Variants in PCDH15 observed in about 807,000 individuals in gnomAD.
The protein encoded by PCDH15 is protocadherin-15.
A neutral mutation model predicts 178.5 loss-of-function variants in PCDH15; 129 were observed. The ratio of observed to expected loss-of-function variants is 0.72; its 90% CI spans 0.63 to 0.84. The LOEUF (loss-of-function observed/expected upper bound fraction) is 0.84. PCDH15 is among the 40% of genes least tolerant of loss of function. The pLI is 0.00. For synonymous variants in PCDH15, 800 were observed against 732.0 expected (o/e 1.09, Z -1.50); for missense variants, 2,230 against 2,099.9 (o/e 1.06, Z -1.21).
intron 2 of PCDH15, among the ~76,000 whole-genome samples, chr10:54,936,536 T>C (rs1216275427): frequency 6.6e-6 from 1 of 152,008 alleles, no homozygotes; most frequent in African/African-American, 2.4e-5. Context: ...TCCTTATTGA[T>C]ATCTATTTGT....
At position 54,442,396 on chromosome 10, in the gene PCDH15, A is replaced by G. The variant is rs1222952919; in HGVS notation, c.158-63454T>C. ...GGACAGTCTCCTTTTTTTTTAAAAA[A>G]AAAAAAGGCCTTAAAGGCTATATAT... is the stretch of plus-strand genomic sequence containing the variant. On this transcript the variant is annotated intron_variant, in intron 3 of 37. Transcript: ENST00000644397. 3.4e-5 allele frequency among the ~76,000 whole-genome samples: 4 copies of G among 117,666 alleles called. 1 individual carries two copies. The highest frequency in any genetic ancestry group is 1.3e-4 in the African/African-American group (4 of 30,562). 77.2% of individuals were successfully genotyped at this position (117,666 alleles called of 152,430 possible).
intron 1 of PCDH15, among the ~76,000 whole-genome samples, chr10:55,257,692 G>C (rs573387251): frequency 1.3e-5 from 2 of 152,092 alleles, no homozygotes; most frequent in Non-Finnish European, 1.5e-5. Context: ...AAAAAGAAAC[G>C]AACAAAGCCT....
At chr10:55,143,101 C>T (rs1591937138) in intron 2 of PCDH15, among the ~76,000 whole-genome samples, 1 of 152,102 alleles carries the variant, frequency 6.6e-6, no homozygotes, top group East Asian at 1.9e-4. Flanking sequence ...TCTCTCTCTC[C>T]TGCCACCATG....
At chr10:55,450,093 C>A (rs1839400870) in intron 2 of PCDH15, among the ~76,000 whole-genome samples, 2 of 152,042 alleles carry the variant, frequency 1.3e-5, no homozygotes, top group Non-Finnish European at 2.9e-5. Context: ...AGGGGATATG[C>A]AATAGTGTTC....
chr10:54,481,439 G>A (rs1019519742), intron 3 of PCDH15, among the ~76,000 whole-genome samples: 2 of 151,598 alleles, frequency 1.3e-5, no homozygotes, highest in African/African-American at 4.8e-5. Flanking sequence ...ACATACTCTT[G>A]TCAAATTCTA....
At chr10:54,044,274 A>G (rs1341624863) in intron 18 of PCDH15, among the ~76,000 whole-genome samples, 1 of 152,128 alleles carries the variant, frequency 6.6e-6, no homozygotes, top group Admixed American at 6.6e-5. Context: ...GGCCTATAAT[A>G]AACAAGGTGT....
intron 26 of PCDH15, among the ~76,000 whole-genome samples, chr10:53,871,505 A>G (rs11003893): frequency 0.77 from 115,965 of 150,476 alleles, 45,480 homozygotes; most frequent in East Asian, 1. Flanking sequence ...TATAAATATG[A>G]CCAAGTCCAG....
chr10:54,217,920 T>TG (rs979607478), intron 9 of PCDH15, among the ~76,000 whole-genome samples: 3 of 152,026 alleles, frequency 2.0e-5, no homozygotes, highest in African/African-American at 7.3e-5. Context: ...GGCTTTTTTT[T>TG]GTTTTTTTGT....
rs532454650 is a variant in PCDH15 at position 53,858,802 on chromosome 10, C to A, written c.3718-1539G>T. ...TACAAAACACTAGCTACTTCACTAG[C>A]GAACTAGCGAAAGGGATCATTACAG... On this transcript the variant is annotated intron_variant, in intron 27 of 37. Transcript: ENST00000644397. Among the ~76,000 whole-genome samples the A allele has an allele frequency of 9.7e-4, 147 of 152,206 alleles. 1 individual carries two copies. The highest frequency in any genetic ancestry group is 3.4e-3 in the African/African-American group (140 of 41,546).
intron 27 of PCDH15, among the ~76,000 whole-genome samples, chr10:53,860,515 G>A (rs1409987993): frequency 1.3e-5 from 2 of 152,030 alleles, no homozygotes; most frequent in Non-Finnish European, 1.5e-5. Context: ...CTGATCAATT[G>A]AGGCCAAGAG....
At chr10:54,033,661 C>T (rs779531135) in intron 18 of PCDH15, among the ~76,000 whole-genome samples, 14 of 152,082 alleles carry the variant, frequency 9.2e-5, no homozygotes, top group Non-Finnish European at 1.9e-4. Context: ...CCATGAATTG[C>T]ATTTTATGTG....
At chr10:54,910,125 G>T (rs1954794291) in intron 2 of PCDH15, among the ~76,000 whole-genome samples, 1 of 152,098 alleles carries the variant, frequency 6.6e-6, no homozygotes, top group Non-Finnish European at 1.5e-5. Context: ...GGACACAGGG[G>T]TCCCACTGCC....
At chr10:54,836,499 T>G (rs1188917183) in intron 3 of PCDH15, among the ~76,000 whole-genome samples, 3 of 152,122 alleles carry the variant, frequency 2.0e-5, no homozygotes, top group Non-Finnish European at 4.4e-5. Context: ...ACTGCAATTG[T>G]TACACAGTTG....
chr10:55,061,323 A>G (rs1156624218), intron 2 of PCDH15, among the ~76,000 whole-genome samples: 1 of 152,210 alleles, frequency 6.6e-6, no homozygotes, highest in Non-Finnish European at 1.5e-5. Flanking sequence ...CACATCATAT[A>G]TCACAAAGGA....
intron 2 of PCDH15, among the ~76,000 whole-genome samples, chr10:54,908,445 C>A (rs1383614787): frequency 6.6e-6 from 1 of 152,144 alleles, no homozygotes; most frequent in Non-Finnish European, 1.5e-5. Flanking sequence ...GCTGTCACAG[C>A]CCTGGCCTGG....
At chr10:55,322,870 A>T (rs1362111103), upstream of PCDH15, among the ~76,000 whole-genome samples, 2 of 152,118 alleles carry the variant, frequency 1.3e-5, no homozygotes, top group Non-Finnish European at 2.9e-5. Context: ...AATGTTAATC[A>T]CCAAGGTAAT....
intron 2 of PCDH15, among the ~76,000 whole-genome samples, chr10:55,564,780 T>C (rs1260052209): frequency 6.6e-6 from 1 of 151,654 alleles, no homozygotes; most frequent in Non-Finnish European, 1.5e-5. Context: ...GAGGACATAA[T>C]ATATTAATAA....
intron 2 of PCDH15, among the ~76,000 whole-genome samples, chr10:55,541,479 A>C (rs1841758360): frequency 6.6e-6 from 1 of 152,004 alleles, no homozygotes. Flanking sequence ...ATATCTGAAT[A>C]GGTGTTATGT....
chr10:55,580,992 C>T (rs893325835), intron 2 of PCDH15, among the ~76,000 whole-genome samples: 3 of 152,144 alleles, frequency 2.0e-5, no homozygotes, highest in South Asian at 2.1e-4. Flanking sequence ...CAATGAGATA[C>T]GTTGCTTATC....
Sources: allele counts gnomAD v4.1 joint callset (sites outside exome capture counted in the v4.1 genomes callset), GRCh38; gene constraint gnomAD v4.1.1; transcripts MANE v1.5; gene names NCBI Gene and HGNC (gene_info 2026-07-23, HGNC 2026-07-21).